SGMS1: variants seen among roughly 807,000 people sequenced by gnomAD.
SGMS1 encodes sphingomyelin synthase 1, also known as phosphatidylcholine:ceramide cholinephosphotransferase 1.
Under a neutral mutation model 46.2 loss-of-function variants are expected in SGMS1, and 13 were observed. The observed-to-expected ratio is 0.28, with a 90% confidence interval of 0.18 to 0.45. SGMS1 has a LOEUF of 0.45. SGMS1 is among the 20% of genes least tolerant of loss of function. The pLI, the probability that SGMS1 is intolerant of heterozygous loss-of-function variation, is 1.00. For synonymous variants in SGMS1, 203 were observed against 187.8 expected, an observed-to-expected ratio of 1.08 and a Z score of -0.66; for missense variants, 324 against 519.9, an observed-to-expected ratio of 0.62 and a Z score of 3.66.
chr10:50,566,044 T>A (rs191232349), intron 2 of SGMS1, among the ~76,000 whole-genome samples: 1 of 152,388 alleles, frequency 6.6e-6, no homozygotes, highest in Admixed American at 6.5e-5. Flanking sequence ...CAACCCAGTA[T>A]TCCTTTGATA....
At chr10:50,497,205 T>C (rs1837622581) in intron 3 of SGMS1, among the ~76,000 whole-genome samples, 1 of 152,220 alleles carries the variant, frequency 6.6e-6, no homozygotes, top group African/African-American at 2.4e-5. Context: ...TGACAGATGA[T>C]CCTAATTCTC....
At chr10:50,351,568 G>C (rs1848013069) in intron 6 of SGMS1, among the ~76,000 whole-genome samples, 1 of 152,210 alleles carries the variant, frequency 6.6e-6, no homozygotes, top group South Asian at 2.1e-4. Flanking sequence ...TTAAATCATG[G>C]GCAGTTTCCT....
At chr10:50,330,578 T>A (rs750598199) in intron 7 of SGMS1, among the ~76,000 whole-genome samples, 64 of 152,330 alleles carry the variant, frequency 4.2e-4, no homozygotes, top group East Asian at 1.9e-4. Flanking sequence ...CCATGAGTTG[T>A]CTCTTTCAAC....
chr10:50,501,356 TA>T (rs2133756898), intron 3 of SGMS1, among the ~76,000 whole-genome samples: 1 of 152,298 alleles, frequency 6.6e-6, no homozygotes, highest in South Asian at 2.1e-4. Context: ...ATCTAAAACT[TA>T]AAAAGGCAAC....
chr10:50,446,723 C>T (rs1252812572), intron 5 of SGMS1, among the ~76,000 whole-genome samples: 1 of 152,174 alleles, frequency 6.6e-6, no homozygotes, highest in Non-Finnish European at 1.5e-5. Context: ...ATCACACTCG[C>T]ACACGTGTTT....
chr10:50,427,690 A>T (rs889376004), intron 6 of SGMS1, among the ~76,000 whole-genome samples: 1 of 152,188 alleles, frequency 6.6e-6, no homozygotes, highest in Admixed American at 6.5e-5. Context: ...ATCAGCACCC[A>T]ACATTGTCTA....
At chr10:50,378,133 T>C (rs972796084) in intron 6 of SGMS1, among the ~76,000 whole-genome samples, 4 of 152,242 alleles carry the variant, frequency 2.6e-5, no homozygotes, top group African/African-American at 9.6e-5. Flanking sequence ...TATCTTCTTT[T>C]AAAACCTTAG....
At chr10:50,327,403 T>A in intron 7 of SGMS1, 81 bp from the exon 8 acceptor site, 1 of 849,474 alleles carries the variant, frequency 1.2e-6, no homozygotes, top group Non-Finnish European at 2.0e-6. Context: ...AATGACTCAA[T>A]AAAAACAAAC....
Position 50,370,415 on chromosome 10 carries a change from A to T in SGMS1, c.-231-26070T>A, listed in dbSNP as rs548227721. On this transcript the variant is annotated intron_variant, in intron 6 of 10. Transcript: ENST00000361781. ...GCTTTTTTCTATTTTTTAAATTTTAATTTTTTTTTTACTTAAAAAATTTTT... is the reference window on the plus strand; with the variant it reads ...GCTTTTTTCTATTTTTTAAATTTTATTTTTTTTTTTACTTAAAAAATTTTT... 2.7e-5 allele frequency among the ~76,000 whole-genome samples: 4 copies of T among 148,872 alleles called. No homozygotes were observed. The East Asian group carries it at 7.8e-4, about 29-fold the overall frequency.
intron 8 of SGMS1, among the ~76,000 whole-genome samples, chr10:50,324,415 T>A (rs1383132926): frequency 3.3e-5 from 5 of 152,222 alleles, no homozygotes; most frequent in Non-Finnish European, 7.3e-5. Flanking sequence ...AATAGAACTT[T>A]GGCCTGAGTG....
chr10:50,617,994 A>T (rs1357641654), intron 1 of SGMS1, among the ~76,000 whole-genome samples: 1 of 151,842 alleles, frequency 6.6e-6, no homozygotes, highest in Non-Finnish European at 1.5e-5. Context: ...CTGGCATTAC[A>T]GGCATTGAGC....
intron 2 of SGMS1, among the ~76,000 whole-genome samples, chr10:50,542,857 CAAA>C (rs752420440): frequency 1.3e-4 from 10 of 78,370 alleles, no homozygotes; most frequent in East Asian, 3.2e-4. Flanking sequence ...ATGCCAAGTG[CAAA>C]AAAAAAAAAA....
intron 3 of SGMS1, among the ~76,000 whole-genome samples, chr10:50,515,786 G>A (rs1837797007): frequency 6.6e-6 from 1 of 152,228 alleles, no homozygotes; most frequent in South Asian, 2.1e-4. Context: ...AAAAACCCAA[G>A]AATACAAGGA....
At chr10:50,441,535 A>G (rs572398276) in intron 5 of SGMS1, among the ~76,000 whole-genome samples, 1 of 152,384 alleles carries the variant, frequency 6.6e-6, no homozygotes. Context: ...AAAGGAAACC[A>G]AAACTCAAAG....
At chr10:50,414,962 C>G (rs1028808269) in intron 6 of SGMS1, among the ~76,000 whole-genome samples, 1 of 152,188 alleles carries the variant, frequency 6.6e-6, no homozygotes, top group Non-Finnish European at 1.5e-5. Flanking sequence ...AAAGAACACA[C>G]GTAGCACGTT....
chr10:50,412,598 G>A (rs1849116308), intron 6 of SGMS1, among the ~76,000 whole-genome samples: 1 of 152,160 alleles, frequency 6.6e-6, no homozygotes, highest in African/African-American at 2.4e-5. Flanking sequence ...TTCAGGCAAG[G>A]CTGAGAGGGT....
chr10:50,445,604 T>C (rs772643987), intron 5 of SGMS1, among the ~76,000 whole-genome samples: 3 of 152,226 alleles, frequency 2.0e-5, no homozygotes, highest in South Asian at 2.1e-4. Flanking sequence ...ATCAATACTC[T>C]AGTGATTTCC....
At chr10:50,408,457 A>AAT (rs1198180566) in intron 6 of SGMS1, among the ~76,000 whole-genome samples, 1 of 143,156 alleles carries the variant, frequency 7.0e-6, no homozygotes, top group East Asian at 1.9e-4. Flanking sequence ...AAAAAAAAAC[A>AAT]AAATAAAAAC....
At chr10:50,352,794 A>G (rs1321863509) in intron 6 of SGMS1, among the ~76,000 whole-genome samples, 1 of 152,228 alleles carries the variant, frequency 6.6e-6, no homozygotes, top group Non-Finnish European at 1.5e-5. Flanking sequence ...CTACCATCAG[A>G]GAATACTATA....
Sources: gnomAD v4.1 joint callset for allele counts (sites outside exome capture counted in the v4.1 genomes callset) on GRCh38, gnomAD v4.1.1 for gene constraint, MANE v1.5 for transcripts, NCBI Gene and HGNC (gene_info 2026-07-23, HGNC 2026-07-21) for gene names.